ZCCHC14: variants seen among roughly 807,000 people sequenced by gnomAD.
The protein encoded by ZCCHC14 is zinc finger CCHC domain-containing protein 14.
In ZCCHC14, 16 loss-of-function variants were observed where a neutral mutation model predicts 85.0. The observed-to-expected ratio is 0.19, with a 90% CI of 0.13 to 0.29. The LOEUF (loss-of-function observed/expected upper bound fraction) is 0.29. Among genes scored for constraint, ZCCHC14 ranks in the 10% least tolerant of loss-of-function variants. The pLI, the probability that ZCCHC14 is intolerant of heterozygous loss-of-function variation, is 1.00. For synonymous variants in ZCCHC14, 775 were observed against 630.7 expected, an observed-to-expected ratio of 1.23 and a Z score of -3.43; for missense variants, 1,303 against 1,443.5, an observed-to-expected ratio of 0.90 and a Z score of 1.58.
rs78337236 is a variant in ZCCHC14, at chr16:87,458,551, G to A, written c.694+1457C>T. ...CCATACCGTGCTCATTACATCAACA[G>A]AGGCTGCAGCTGCTGGGGAAATGGG... On this transcript the variant is annotated intron_variant, in intron 2 of 12. Transcript: ENST00000671377. Among the ~76,000 whole-genome samples, 455 of 152,298 alleles carry A rather than the reference G, an allele frequency of 3.0e-3. 4 individuals are homozygous for A. Among genetic ancestry groups the A allele is most frequent in the African/African-American group, 0.011 (443 of 41,558 alleles).
intron 1 of ZCCHC14, among the ~76,000 whole-genome samples, chr16:87,475,552 T>TAAA (rs35771945): frequency 4.4e-4 from 40 of 91,454 alleles, no homozygotes; most frequent in South Asian, 3.5e-4. Context: ...GACTCTGTCT[T>TAAA]AAAAAAAAAA....
rs963657047 is a variant in ZCCHC14 at position 87,426,997 on chromosome 16, G to C, written c.769-3116C>G. ...CGTCCACAGAGCAGAGCAAAAACCC[G>C]ACGGGACGCGGGCTCGCGTGCACGC... On this transcript the variant is annotated intron_variant, in intron 3 of 12. Transcript: ENST00000671377. 2.6e-5 allele frequency among the ~76,000 whole-genome samples: 4 copies of C among 152,240 alleles called. No individual in the cohort carries two copies. The South Asian group carries it at 8.3e-4, about 31-fold the overall frequency.
chr16:87,458,728 G>A (rs758472091), intron 2 of ZCCHC14, among the ~76,000 whole-genome samples: 3 of 152,172 alleles, frequency 2.0e-5, no homozygotes, highest in Non-Finnish European at 4.4e-5. Flanking sequence ...GGGGGAGAGC[G>A]CACAGGGTGA....
Position 87,410,345 on chromosome 16 carries a change from G to T in ZCCHC14, c.3206-10C>A, listed in dbSNP as rs750596082. On this transcript the variant is annotated splice_polypyrimidine_tract_variant and intron_variant, in intron 12 of 12. Transcript: ENST00000671377. ...TTCAACCTAAAAGTACCTAGAGAGAGGGGAAAAAAGAGGTCAAATTTGAAT... is the reference window on the plus strand; with the variant it reads ...TTCAACCTAAAAGTACCTAGAGAGATGGGAAAAAAGAGGTCAAATTTGAAT... The T allele has an allele frequency of 1.3e-6, 1 of 772,786 alleles. No individual in the cohort carries two copies. Among genetic ancestry groups the T allele is most frequent in the Non-Finnish European group, 2.4e-6 (1 of 415,278 alleles). 47.9% of individuals were successfully genotyped at this position (772,786 alleles called of 1,614,324 possible). A position where few individuals can be genotyped will look rare whatever the true frequency, so the allele number is the denominator to read the frequency against.
chr16:87,492,089 G>A lies in ZCCHC14; in HGVS notation c.150C>T (p.Asp50=), dbSNP rs1041601361. The change falls in exon 1 of 13, where the codon GAC becomes GAT. Residue 50 remains aspartate, a synonymous_variant. Transcript: ENST00000671377. The surrounding 1 kb of genome is among the most constrained non-coding windows in gnomAD (Gnocchi z 6.7). ...ELRFLGSCLE[D]LARKDYHSLR... Reference sequence around the variant, plus strand: ...GCGAGTGGTAGTCCTTGCGGGCCAGGTCCTCCAGGCACGAGCCGAGGAAGC... The same window carrying A: ...GCGAGTGGTAGTCCTTGCGGGCCAGATCCTCCAGGCACGAGCCGAGGAAGC... 6.6e-5 allele frequency: 92 copies of A among 1,393,976 alleles called. No individual in the cohort carries two copies. In the African/African-American group the frequency reaches 8.6e-4, roughly 13 times the overall value. The allele number at this position is 1,393,976 out of a possible 1,614,324, so 86.4% of individuals were successfully genotyped here.
chr16:87,471,298 CAAG>C (rs954669568), intron 1 of ZCCHC14: 22 of 152,154 alleles, frequency 1.4e-4, no homozygotes, highest in Admixed American at 4.6e-4. Context: ...AAAACCAGAA[CAAG>C]AAGACAGACA....
chr16:87,417,559 C>G lies in ZCCHC14; in HGVS notation c.1284G>C (p.Gln428His). Residue 428 changes from glutamine (Q) to histidine (H), a missense_variant, in exon 8 of 13, where the codon CAG becomes CAC. By Grantham distance (24) the Gln-to-His change is conservative. Transcript: ENST00000671377. The part of the protein sequence containing the change: ...SPAILMPSSL[Q>H]TPQTQEQNGI... ...CATTCTGCTCCTGGGTCTGAGGGGTCTGCAGACTGGAAGGCATGAGGATGG... is the reference window on the plus strand; with the variant it reads ...CATTCTGCTCCTGGGTCTGAGGGGTGTGCAGACTGGAAGGCATGAGGATGG... The G allele has an allele frequency of 1.2e-6, 2 of 1,614,288 alleles. No homozygotes were observed. The highest frequency in any genetic ancestry group is 4.5e-5 in the East Asian group (2 of 44,888).
In ZCCHC14 at chr16:87,492,337, C is replaced by T. The variant is rs1475025340; in HGVS notation, c.-99G>A. 2 of 373,594 alleles carry T rather than the reference C, an allele frequency of 5.4e-6. No individual in the cohort carries two copies. Among genetic ancestry groups the T allele is most frequent in the Admixed American group, 6.7e-5 (1 of 14,840 alleles). The allele number at this position is 373,594 out of a possible 1,614,324, so 23.1% of individuals were successfully genotyped here. A position where few individuals can be genotyped will look rare whatever the true frequency, so the allele number is the denominator to read the frequency against. On this transcript the variant is annotated 5_prime_UTR_variant, in exon 1 of 13. Coordinates refer to ENST00000671377, the MANE Select transcript of ZCCHC14 (RefSeq NM_015144.3). This position sits in a 1 kb window ranked among gnomAD's most constrained non-coding sequence, Gnocchi z 6.7. ...GGCCGGGGCGCGCCGGGACCGGGGA[C>T]GCGCGGGCCGGGGCCGGGTCCGGGC...
intron 1 of ZCCHC14, among the ~76,000 whole-genome samples, chr16:87,482,505 C>T (rs1430988198): frequency 6.6e-6 from 1 of 152,182 alleles, no homozygotes; most frequent in Non-Finnish European, 1.5e-5. Context: ...CGCCTCACAG[C>T]CATATTTATC....
At chr16:87,441,507 G>C (rs1910184056) in intron 2 of ZCCHC14, among the ~76,000 whole-genome samples, 2 of 151,900 alleles carry the variant, frequency 1.3e-5, no homozygotes, top group Middle Eastern at 3.2e-3. Flanking sequence ...TTGGATTCAA[G>C]TTTGAAAGGC....
At chr16:87,455,551 T>C (rs1172054773) in intron 2 of ZCCHC14, among the ~76,000 whole-genome samples, 1 of 152,168 alleles carries the variant, frequency 6.6e-6, no homozygotes, top group East Asian at 1.9e-4. Flanking sequence ...AGAACTTGAC[T>C]CCTCCTGTGT....
chr16:87,458,873 C>T (rs1436889625), intron 2 of ZCCHC14, among the ~76,000 whole-genome samples: 1 of 152,174 alleles, frequency 6.6e-6, no homozygotes, highest in African/African-American at 2.4e-5. Flanking sequence ...GGGCTCAGGA[C>T]CAGTGACCCC....
chr16:87,442,021 C>T (rs972134113), intron 2 of ZCCHC14, among the ~76,000 whole-genome samples: 14 of 152,180 alleles, frequency 9.2e-5, no homozygotes, highest in Non-Finnish European at 1.2e-4. Context: ...GGCTAAAGCC[C>T]CAGCTTTCTG....
At chr16:87,487,858 G>C (rs890911102) in intron 1 of ZCCHC14, among the ~76,000 whole-genome samples, 1 of 151,806 alleles carries the variant, frequency 6.6e-6, no homozygotes, top group African/African-American at 2.4e-5. Flanking sequence ...CTGACATCAC[G>C]ACACCGAGTG....
At chr16:87,419,583 G>T (rs1239050664) in intron 6 of ZCCHC14, among the ~76,000 whole-genome samples, 200 bp downstream of exon 6, 3 of 152,224 alleles carry the variant, frequency 2.0e-5, no homozygotes, top group African/African-American at 4.8e-5. Flanking sequence ...TTATAGGCGT[G>T]AGCCACTGCG....
chr16:87,426,056 A>G (rs1263489647), intron 3 of ZCCHC14, among the ~76,000 whole-genome samples: 1 of 152,210 alleles, frequency 6.6e-6, no homozygotes. Flanking sequence ...TTCCTCCCTA[A>G]GGCTATCAGA....
intron 2 of ZCCHC14, among the ~76,000 whole-genome samples, chr16:87,450,848 G>A (rs891107599): frequency 4.0e-5 from 6 of 151,630 alleles, no homozygotes; most frequent in Non-Finnish European, 8.8e-5. Context: ...GAGCCACTGC[G>A]CATGGTCTGA....
intron 3 of ZCCHC14, among the ~76,000 whole-genome samples, chr16:87,424,148 G>C (rs760520974): frequency 6.6e-6 from 1 of 152,210 alleles, no homozygotes; most frequent in Non-Finnish European, 1.5e-5. Flanking sequence ...GCTGCCTCCT[G>C]TAAGTTCTAG....
At chr16:87,410,687 T>C (rs1179040043) in intron 12 of ZCCHC14, among the ~76,000 whole-genome samples, 1 of 152,186 alleles carries the variant, frequency 6.6e-6, no homozygotes, top group Non-Finnish European at 1.5e-5. Flanking sequence ...CCTCTGGAGA[T>C]GCAGCCAGCT....
Sources: gnomAD v4.1 joint callset for allele counts (sites outside exome capture counted in the v4.1 genomes callset) on GRCh38, gnomAD v4.1.1 for gene constraint, Gnocchi (gnomAD v3.1) non-coding constraint, MANE v1.5 for transcripts, NCBI Gene and HGNC (gene_info 2026-07-23, HGNC 2026-07-21) for gene names.